The following PHLDB1 variants were observed in gnomAD, a reference collection of about 807,000 sequenced individuals.
PHLDB1 encodes pleckstrin homology-like domain family B member 1.
A neutral mutation model predicts 139.3 loss-of-function variants in PHLDB1; 65 were observed. The ratio of observed to expected loss-of-function variants is 0.47; its 90% CI spans 0.38 to 0.57. The LOEUF is 0.57. Among genes scored for constraint, PHLDB1 ranks in the 20% least tolerant of loss-of-function variants. PHLDB1 has a pLI of 0.00. For synonymous variants in PHLDB1, 679 were observed against 734.5 expected (o/e 0.92, Z 1.22); for missense variants, 1,624 against 1,839.7 (o/e 0.88, Z 2.14).
In PHLDB1 at chr11:118,611,370, C is replaced by G. The variant is rs1411352987; in HGVS notation, c.-21-2446C>G. Among the ~76,000 whole-genome samples, 1 of 152,176 alleles carries G rather than the reference C, an allele frequency of 6.6e-6. No individual in the cohort carries two copies. The highest frequency in any genetic ancestry group is 2.4e-5 in the African/African-American group (1 of 41,452). On this transcript the variant is annotated intron_variant, in intron 1 of 22. Coordinates refer to ENST00000600882, the MANE Select transcript of PHLDB1 (RefSeq NM_001144758.3). This position sits in a 1 kb window ranked among gnomAD's most constrained non-coding sequence, Gnocchi z 4.7. ...TTTCGCCTCCTTATTCTCTTCTCTC[C>G]TCTAATCACTCTTGTTCTCCATCGG...
chr11:118,616,570 T>C (rs1401078812), intron 4 of PHLDB1, among the ~76,000 whole-genome samples: 10 of 152,180 alleles, frequency 6.6e-5, no homozygotes, highest in Non-Finnish European at 1.0e-4. Flanking sequence ...CATTGTTCCA[T>C]GATGCCAAGA....
At chr11:118,635,153 C>T (rs1945433841) in intron 9 of PHLDB1, 1 of 585,410 alleles carries the variant, frequency 1.7e-6, no homozygotes, top group South Asian at 2.0e-5. Context: ...CAGTACCTGC[C>T]GGACACCAGG....
chr11:118,607,301 G>C (rs1939348552), upstream of PHLDB1, among the ~76,000 whole-genome samples: 1 of 142,610 alleles, frequency 7.0e-6, no homozygotes, highest in African/African-American at 2.6e-5. Flanking sequence ...GGAGAGTCGG[G>C]AGGGCAGGGT....
intron 4 of PHLDB1, among the ~76,000 whole-genome samples, chr11:118,621,773 T>G (rs1942861920): frequency 6.6e-6 from 1 of 152,080 alleles, no homozygotes; most frequent in Non-Finnish European, 1.5e-5. Flanking sequence ...TCTCCAGCGC[T>G]CCGGCAGTCC....
intron 12 of PHLDB1, chr11:118,641,519 C>T: frequency 4.3e-6 from 3 of 697,888 alleles, no homozygotes; most frequent in South Asian, 1.9e-5. Context: ...GTACTTTCTG[C>T]CCTTTCCCTC....
intron 4 of PHLDB1, among the ~76,000 whole-genome samples, chr11:118,623,267 G>A (rs1397176502): frequency 6.6e-6 from 1 of 152,232 alleles, no homozygotes; most frequent in African/African-American, 2.4e-5. Context: ...GGACAAATTG[G>A]AAGGATTGGT....
chr11:118,607,350 G>C (rs1371001929), upstream of PHLDB1, among the ~76,000 whole-genome samples: 1 of 48,986 alleles, frequency 2.0e-5, no homozygotes, highest in East Asian at 5.1e-4. Flanking sequence ...TGGTGGTGGT[G>C]GTGGTGGTGG....
chr11:118,642,102 T>A (rs782505725), intron 12 of PHLDB1, 152 bp from the exon 13 acceptor site: 2 of 748,052 alleles, frequency 2.7e-6, no homozygotes, highest in South Asian at 3.0e-5. Context: ...TCCATTTCCC[T>A]GATGTGGCCT....
intron 6 of PHLDB1, among the ~76,000 whole-genome samples, chr11:118,630,483 C>T (rs979744301): frequency 6.6e-6 from 1 of 152,146 alleles, no homozygotes; most frequent in Admixed American, 6.5e-5. Flanking sequence ...CAAAGAGGGC[C>T]GTGTCCTTGG....
At chr11:118,653,336 A>G (rs2137070213) in intron 20 of PHLDB1, 1 of 152,148 alleles carries the variant, frequency 6.6e-6, no homozygotes, top group African/African-American at 2.4e-5. Context: ...CATTGCATGG[A>G]GTCCAGATTA....
intron 7 of PHLDB1, 85 bp from the exon 8 acceptor site, chr11:118,631,828 G>A (rs1237515216): frequency 3.5e-6 from 5 of 1,441,718 alleles, no homozygotes; most frequent in Admixed American, 4.3e-5. Context: ...CTCAGCAAGT[G>A]CCTGGAGGAA....
intron 5 of PHLDB1, chr11:118,627,003 A>G: frequency 2.5e-6 from 1 of 400,532 alleles, no homozygotes; most frequent in Non-Finnish European, 4.5e-6. Flanking sequence ...GGAGGAGTCT[A>G]GTCTTGGGGT....
At chr11:118,616,297 G>A (rs1288614264) in intron 4 of PHLDB1, 86 bp downstream of exon 4, 5 of 1,268,804 alleles carry the variant, frequency 3.9e-6, no homozygotes, top group Non-Finnish European at 4.4e-6. Flanking sequence ...TGTGGTGGTT[G>A]CCATGGTAAC....
At chr11:118,656,572 C>T (rs782056837) in intron 22 of PHLDB1, 111 bp from the exon 23 acceptor site, 10 of 1,050,228 alleles carry the variant, frequency 9.5e-6, no homozygotes, top group Non-Finnish European at 1.4e-5. Flanking sequence ...TAGGACTAAG[C>T]TCCAGGGCTT....
At position 118,608,925 on chromosome 11, in the gene PHLDB1, G is replaced by C. The variant is rs1939605782; in HGVS notation, c.-22+1226G>C. On this transcript the variant is annotated intron_variant, in intron 1 of 22. Coordinates refer to ENST00000600882, the MANE Select transcript of PHLDB1 (RefSeq NM_001144758.3). This position sits in a 1 kb window ranked among gnomAD's most constrained non-coding sequence, Gnocchi z 6.7. Reference sequence around the variant, plus strand: ...CAGCCTACCTCACACACGCACCCCAGTCACACACACAACCCAGCTCACACA... The same window carrying C: ...CAGCCTACCTCACACACGCACCCCACTCACACACACAACCCAGCTCACACA... Among the ~76,000 whole-genome samples, 1 of 148,922 alleles carries C rather than the reference G, an allele frequency of 6.7e-6. No individual in the cohort carries two copies. Among genetic ancestry groups the C allele is most frequent in the African/African-American group, 2.5e-5 (1 of 40,208 alleles).
rs906625410 is a variant in PHLDB1, at chr11:118,627,222, G to A, written c.482-83G>A. 7 of 1,372,506 alleles carry A rather than the reference G, an allele frequency of 5.1e-6. No homozygotes were observed. In the African/African-American group the frequency reaches 8.7e-5, roughly 17 times the overall value. 85.0% of individuals were successfully genotyped at this position (1,372,506 alleles called of 1,614,324 possible). ...TCTCCAGAGCCTTGTTAGCCTCACT[G>A]TGCTAGGAGGAGGGGGGCTAGTGCT... On this transcript the variant is annotated intron_variant, in intron 5 of 22. Coordinates refer to ENST00000600882, the MANE Select transcript of PHLDB1 (RefSeq NM_001144758.3).
chr11:118,614,731 C>A lies in PHLDB1; in HGVS notation c.184+49C>A, dbSNP rs782390486. Reference sequence around the variant, plus strand: ...CTCACCACCCCTCTATCCTTATAGGCATTCCTGCCCTGGAGGCCCACCTCC... The same window carrying A: ...CTCACCACCCCTCTATCCTTATAGGAATTCCTGCCCTGGAGGCCCACCTCC... On this transcript the variant is annotated intron_variant, in intron 3 of 22. Coordinates refer to ENST00000600882, the MANE Select transcript of PHLDB1 (RefSeq NM_001144758.3). 1.7e-5 allele frequency: 27 copies of A among 1,588,368 alleles called. No individual in the cohort carries two copies. In the East Asian group the frequency reaches 5.6e-4, roughly 33 times the overall value.
intron 1 of PHLDB1, 73 bp from the exon 2 acceptor site, chr11:118,613,743 C>A: frequency 1.1e-6 from 1 of 896,874 alleles, no homozygotes. Flanking sequence ...CCTGAGAACC[C>A]TGCCACAGAA....
chr11:118,639,194 A>T lies in PHLDB1; in HGVS notation c.2679A>T (p.Arg893Ser), dbSNP rs1192151816. ...AGAAGCTGACTGTGCTGGAAAGGAG[A>T]TACCACTCACTCACAGGGGGCAGGC... Reference protein sequence around the residue: ...EKEKLTVLERRYHSLTGGRPF... With the variant: ...EKEKLTVLERSYHSLTGGRPF... Residue 893 changes from arginine (R) to serine (S), a missense_variant, in exon 12 of 23, where the codon AGA (arginine) becomes AGT (serine). By Grantham distance (110) the Arg-to-Ser change is moderately radical (BLOSUM62 -1). Coordinates refer to ENST00000600882, the MANE Select transcript of PHLDB1 (RefSeq NM_001144758.3). 2 of 1,613,998 alleles carry T rather than the reference A, an allele frequency of 1.2e-6. No individual in the cohort carries two copies. The highest frequency in any genetic ancestry group is 1.7e-6 in the Non-Finnish European group (2 of 1,179,994).
Sources: gnomAD v4.1 joint callset for allele counts (sites outside exome capture counted in the v4.1 genomes callset) on GRCh38, gnomAD v4.1.1 for gene constraint, Gnocchi (gnomAD v3.1) non-coding constraint, MANE v1.5 for transcripts, NCBI Gene and HGNC (gene_info 2026-07-23, HGNC 2026-07-21) for gene names.